The following FLVCR1 variants were observed in gnomAD, a reference collection of about 807,000 sequenced individuals.
FLVCR1 encodes FLVCR choline and heme transporter 1.
In FLVCR1, 34 loss-of-function variants were observed where a neutral mutation model predicts 53.6. The observed-to-expected ratio is 0.63, with a 90% CI of 0.48 to 0.84. The LOEUF is 0.84. Among genes scored for constraint, FLVCR1 ranks in the 40% least tolerant of loss-of-function variants. The pLI, the probability that FLVCR1 is intolerant of heterozygous loss-of-function variation, is 0.00. For missense variants in FLVCR1, 677 were observed against 696.7 expected (o/e 0.97, Z 0.32); for synonymous variants, 300 against 286.3 (o/e 1.05, Z -0.48).
intron 3 of FLVCR1, among the ~76,000 whole-genome samples, chr1:212,873,238 A>T (rs1442839068): frequency 6.6e-6 from 1 of 151,866 alleles, no homozygotes; most frequent in Non-Finnish European, 1.5e-5. Context: ...GCTTGAACCT[A>T]GAAGGCAGAG....
At chr1:212,869,582 C>T (rs1664538887) in intron 2 of FLVCR1, among the ~76,000 whole-genome samples, 1 of 152,212 alleles carries the variant, frequency 6.6e-6, no homozygotes, top group African/African-American at 2.4e-5. Flanking sequence ...TTCACTCTGT[C>T]GCCCAGGCTG....
intron 3 of FLVCR1, 140 bp from the exon 4 acceptor site, chr1:212,883,231 A>C (rs1172581474): frequency 8.3e-5 from 53 of 635,322 alleles, no homozygotes; most frequent in Non-Finnish European, 9.0e-5. Context: ...TTCCTTTATC[A>C]ACTGTGTTAA....
chr1:212,858,522 C>T lies in FLVCR1; in HGVS notation c.70C>T (p.Pro24Ser), dbSNP rs747866785. The change falls in exon 1 of 10, where the codon CCG becomes TCG. Residue 24 changes from proline (P) to serine (S), a missense_variant. Coordinates refer to ENST00000366971, the MANE Select transcript of FLVCR1 (RefSeq NM_014053.4). Reference sequence around the variant, plus strand: ...ACACCCGCTCGCGAAAGGATACCTCCCGTTGCCGAGGGGCGCGCCCGTTGG... The same window carrying T: ...ACACCCGCTCGCGAAAGGATACCTCTCGTTGCCGAGGGGCGCGCCCGTTGG... ...PGHPLAKGYL[P>S]LPRGAPVGKE... 1 of 1,459,458 alleles carries T rather than the reference C, an allele frequency of 6.9e-7. No individual in the cohort carries two copies. Among genetic ancestry groups the T allele is most frequent in the South Asian group, 1.4e-5 (1 of 70,186 alleles). The allele number at this position is 1,459,458 out of a possible 1,614,324, so 90.4% of individuals were successfully genotyped here. A position where few individuals can be genotyped will look rare whatever the true frequency, so the allele number is the denominator to read the frequency against.
intron 4 of FLVCR1, 39 bp from the exon 5 acceptor site, chr1:212,885,254 C>T (rs1412382406): frequency 1.5e-6 from 2 of 1,325,190 alleles, no homozygotes; most frequent in African/African-American, 2.9e-5. Context: ...ATTAGTTAAT[C>T]CATTTATTTG....
intron 2 of FLVCR1, chr1:212,870,192 T>A: frequency 6.6e-6 from 1 of 152,204 alleles, no homozygotes; most frequent in Admixed American, 6.5e-5. Flanking sequence ...AAAGTAAATA[T>A]TTATGAGTTA....
rs755329362 is a variant in FLVCR1 at position 212,858,977 on chromosome 1, C to T, written c.525C>T (p.Leu175=). The change falls in exon 1 of 10, where the codon CTC becomes CTT. Residue 175 remains leucine, a synonymous_variant. Coordinates refer to ENST00000366971, the MANE Select transcript of FLVCR1 (RefSeq NM_014053.4). ...TGCTGGACACCAGAGGCCTGCGGCT[C>T]ACCGCCCTGCTGGGCTCCGGCCTCA... ...TWLLDTRGLR[L]TALLGSGLNC... 129 of 1,613,930 alleles carry T rather than the reference C, an allele frequency of 8.0e-5. No homozygotes were observed. In the Admixed American group the frequency reaches 9.7e-4, roughly 12 times the overall value.
intron 5 of FLVCR1, among the ~76,000 whole-genome samples, chr1:212,887,457 A>C (rs1665088543): frequency 6.6e-6 from 1 of 152,196 alleles, no homozygotes. Flanking sequence ...AGGCATTCAC[A>C]TGTGAAAAGT....
intron 1 of FLVCR1, among the ~76,000 whole-genome samples, chr1:212,863,459 C>T (rs560487323): frequency 2.0e-5 from 3 of 151,886 alleles, no homozygotes; most frequent in East Asian, 1.9e-4. Context: ...CGTTGTGGCG[C>T]GCGCCTGTAA....
At chr1:212,883,705 G>T (rs950864309) in intron 4 of FLVCR1, among the ~76,000 whole-genome samples, 1 of 152,168 alleles carries the variant, frequency 6.6e-6, no homozygotes, top group African/African-American at 2.4e-5. Context: ...GAGGAGATGG[G>T]CTTTATAGGC....
intron 8 of FLVCR1, among the ~76,000 whole-genome samples, chr1:212,894,444 C>T (rs1665281974): frequency 1.3e-5 from 2 of 152,178 alleles, no homozygotes; most frequent in Non-Finnish European, 2.9e-5. Context: ...TGACCCACCA[C>T]GCCCAGCAAT....
chr1:212,893,345 G>A (rs1219087033), intron 8 of FLVCR1, among the ~76,000 whole-genome samples: 1 of 152,104 alleles, frequency 6.6e-6, no homozygotes, highest in Non-Finnish European at 1.5e-5. Flanking sequence ...GTCAGCCACT[G>A]CGCCTGGCTG....
At chr1:212,888,123 G>A in intron 6 of FLVCR1, 122 bp downstream of exon 6, 1 of 675,908 alleles carries the variant, frequency 1.5e-6, no homozygotes, top group South Asian at 1.7e-5. Context: ...AACTTTAAAG[G>A]ATTCATTCTA....
In FLVCR1 at chr1:212,874,491, C is replaced by T. The variant is rs1020026291; in HGVS notation, c.1024+1673C>T. Among the ~76,000 whole-genome samples, 9 of 147,910 alleles carry T rather than the reference C, an allele frequency of 6.1e-5. No individual in the cohort carries two copies. The East Asian group carries it at 1.4e-3, about 23-fold the overall frequency. Reference sequence around the variant, plus strand: ...TTATTGTTAAATAGTAGAGCAAATTCATTTCTTTTGCCTGTCATTTAATTT... The same window carrying T: ...TTATTGTTAAATAGTAGAGCAAATTTATTTCTTTTGCCTGTCATTTAATTT... On this transcript the variant is annotated intron_variant, in intron 3 of 9. Transcript: ENST00000366971.
At chr1:212,874,526 C>CTTTT (rs61497441) in intron 3 of FLVCR1, among the ~76,000 whole-genome samples, 18 of 120,846 alleles carry the variant, frequency 1.5e-4, no homozygotes, top group South Asian at 5.1e-4. Flanking sequence ...TTCTTTTTTT[C>CTTTT]TTTTTTTTTT....
In FLVCR1 at chr1:212,895,498, C is replaced by T. The variant is rs1245045416; in HGVS notation, c.*208C>T. ...TTTCTTAAAATTCTTCTGTTTACAT[C>T]ATGTTAACACTACTGTTTATCTAAT... is the stretch of plus-strand genomic sequence containing the variant. On this transcript the variant is annotated 3_prime_UTR_variant, in exon 10 of 10. Coordinates refer to ENST00000366971, the MANE Select transcript of FLVCR1 (RefSeq NM_014053.4). 2 of 582,256 alleles carry T rather than the reference C, an allele frequency of 3.4e-6. No individual in the cohort carries two copies. Among genetic ancestry groups the T allele is most frequent in the East Asian group, 3.0e-5 (1 of 33,442 alleles). 36.1% of individuals were successfully genotyped at this position (582,256 alleles called of 1,614,324 possible).
In FLVCR1 at chr1:212,874,682, C is replaced by A. The variant is rs573389229; in HGVS notation, c.1024+1864C>A. Among the ~76,000 whole-genome samples the A allele has an allele frequency of 2.0e-5, 3 of 151,942 alleles. No homozygotes were observed. The South Asian group carries it at 6.2e-4, about 32-fold the overall frequency. On this transcript the variant is annotated intron_variant, in intron 3 of 9. Transcript: ENST00000366971. ...TAGCTGAGATTACAGGCACATGCCA[C>A]CACGCCCAGCTAATTTTTGTTTTTT... is the stretch of plus-strand genomic sequence containing the variant.
chr1:212,859,299 C>T (rs1225661132), intron 1 of FLVCR1, 109 bp downstream of exon 1: 1 of 1,529,656 alleles, frequency 6.5e-7, no homozygotes, highest in Non-Finnish European at 9.0e-7. Flanking sequence ...AGGTATTTGT[C>T]TATAAAAGAG....
intron 8 of FLVCR1, among the ~76,000 whole-genome samples, chr1:212,890,254 C>T (rs950922326): frequency 9.9e-5 from 15 of 152,066 alleles, no homozygotes; most frequent in Admixed American, 7.2e-4. Flanking sequence ...GTCATCATTC[C>T]CTAAACATTA....
intron 3 of FLVCR1, among the ~76,000 whole-genome samples, chr1:212,882,236 G>T (rs919056231): frequency 1.3e-5 from 2 of 152,250 alleles, no homozygotes; most frequent in South Asian, 2.1e-4. Context: ...AAACCCTTAA[G>T]TGTCTATTGA....
Sources: allele counts gnomAD v4.1 joint callset (sites outside exome capture counted in the v4.1 genomes callset), GRCh38; gene constraint gnomAD v4.1.1; transcripts MANE v1.5; gene names NCBI Gene and HGNC (gene_info 2026-07-23, HGNC 2026-07-21).